SOCS7: variants seen among roughly 807,000 people sequenced by gnomAD.
SOCS7 encodes suppressor of cytokine signaling 7.
SOCS7 carries 18 observed loss-of-function variants against 58.9 expected under a neutral mutation model. The observed-to-expected ratio is 0.31, with a 90% CI of 0.21 to 0.45. SOCS7 has a LOEUF of 0.45. Ranked by LOEUF, SOCS7 falls within the 20% of genes least tolerant of loss-of-function variation. The pLI is 1.00. For missense variants in SOCS7, 667 were observed against 837.3 expected, an observed-to-expected ratio of 0.80 and a Z score of 2.51; for synonymous variants, 388 against 364.3, an observed-to-expected ratio of 1.06 and a Z score of -0.74.
chr17:38,404,760 C>T lies in SOCS7; in HGVS notation c.*5278C>T, dbSNP rs1224870961. On this transcript the variant is annotated 3_prime_UTR_variant, in exon 10 of 10. Coordinates refer to ENST00000612932, the MANE Select transcript of SOCS7 (RefSeq NM_014598.4). ...CTCAGGTGGAGCAGAAGCCTGCTCT[C>T]ACTCCTCCATCTCTGGTGCTCCCTT... 2.0e-5 allele frequency: 3 copies of T among 152,372 alleles called. No homozygotes were observed. The highest frequency in any genetic ancestry group is 2.9e-5 in the Non-Finnish European group (2 of 68,144). The allele number at this position is 152,372 out of a possible 1,614,324, so 9.4% of individuals were successfully genotyped here. A position where few individuals can be genotyped will look rare whatever the true frequency, so the allele number is the denominator to read the frequency against.
At chr17:38,389,596 T>G (rs1169093051) in intron 7 of SOCS7, among the ~76,000 whole-genome samples, 3 of 151,736 alleles carry the variant, frequency 2.0e-5, no homozygotes, top group Admixed American at 1.3e-4. Flanking sequence ...CAGATATAAA[T>G]TACAAATATT....
At chr17:38,362,937 A>G (rs977594053) in intron 2 of SOCS7, among the ~76,000 whole-genome samples, 9 of 151,834 alleles carry the variant, frequency 5.9e-5, no homozygotes, top group Middle Eastern at 6.8e-3. Context: ...ATGGTGTGAA[A>G]CCCCGTCTCT....
chr17:38,352,340 C>A lies in SOCS7; in HGVS notation c.288C>A (p.Arg96=). Reference sequence around the variant, plus strand: ...CGGAACTGCTGTGTCCCCGGCACCGCTGTGCCCTGGACCCCAAGGCCCTGC... The same window carrying A: ...CGGAACTGCTGTGTCCCCGGCACCGATGTGCCCTGGACCCCAAGGCCCTGC... ...GPSELLCPRH[R]CALDPKALPP... The change falls in exon 1 of 10, where the codon CGC becomes CGA. Residue 96 remains arginine (R), a synonymous_variant. Coordinates refer to ENST00000612932, the MANE Select transcript of SOCS7 (RefSeq NM_014598.4). The surrounding 1 kb of genome is among the most constrained non-coding windows in gnomAD (Gnocchi z 5.5). 1 of 1,482,466 alleles carries A rather than the reference C, an allele frequency of 6.7e-7. No homozygotes were observed. Among genetic ancestry groups the A allele is most frequent in the Non-Finnish European group, 8.9e-7 (1 of 1,127,670 alleles). 91.8% of individuals were successfully genotyped at this position (1,482,466 alleles called of 1,614,324 possible). A position where few individuals can be genotyped will look rare whatever the true frequency, so the allele number is the denominator to read the frequency against.
intron 6 of SOCS7, among the ~76,000 whole-genome samples, chr17:38,371,176 C>G (rs1398750283): frequency 6.6e-6 from 1 of 152,078 alleles, no homozygotes; most frequent in African/African-American, 2.4e-5. Context: ...GGCAGTGCCA[C>G]GATCTCGGCT....
intron 2 of SOCS7, among the ~76,000 whole-genome samples, chr17:38,362,149 T>C (rs1041311485): frequency 2.0e-5 from 3 of 152,162 alleles, no homozygotes; most frequent in African/African-American, 7.2e-5. Context: ...TCCAAGGGAG[T>C]TCATGGGTTA....
chr17:38,362,091 A>G (rs983386808), intron 2 of SOCS7, among the ~76,000 whole-genome samples: 1 of 152,218 alleles, frequency 6.6e-6, no homozygotes, highest in Non-Finnish European at 1.5e-5. Flanking sequence ...TTATGGGCTC[A>G]CAGTGCATAA....
At chr17:38,375,712 C>T (rs2037922080) in intron 6 of SOCS7, 1 of 152,198 alleles carries the variant, frequency 6.6e-6, no homozygotes, top group East Asian at 1.9e-4. Context: ...TGCTCCCCCC[C>T]ACATTATTCA....
chr17:38,351,992 G>T lies in SOCS7; in HGVS notation c.-61G>T, dbSNP rs868821187. 3.3e-5 allele frequency among the ~76,000 whole-genome samples: 5 copies of T among 151,120 alleles called. No individual in the cohort carries two copies. Among genetic ancestry groups the T allele is most frequent in the Middle Eastern group, 3.4e-3 (1 of 292 alleles). On this transcript the variant is annotated 5_prime_UTR_variant, in exon 1 of 10. Transcript: ENST00000612932. ...CCGCGGCGGGCGGGGCTCCGGCGGG[G>T]CCCGGCCTAGTCCCCACCCCAGCCC...
At chr17:38,396,073 C>T (rs1164047574) in intron 9 of SOCS7, 75 bp downstream of exon 9, 3 of 1,277,168 alleles carry the variant, frequency 2.3e-6, no homozygotes, top group East Asian at 2.6e-5. Context: ...GCCTTGGGCC[C>T]CCTCCCCACA....
chr17:38,361,294 C>G (rs1555567530), intron 1 of SOCS7, among the ~76,000 whole-genome samples: 1 of 152,266 alleles, frequency 6.6e-6, no homozygotes. Context: ...GATGACCTAT[C>G]CTATAGGCAA....
intron 6 of SOCS7, among the ~76,000 whole-genome samples, chr17:38,373,801 G>C (rs2037897436): frequency 6.6e-6 from 1 of 152,212 alleles, no homozygotes. Flanking sequence ...TCAGCCTTTA[G>C]ATCAGGTGGG....
At chr17:38,359,831 C>T (rs9909133) in intron 1 of SOCS7, among the ~76,000 whole-genome samples, 2,109 of 151,896 alleles carry the variant, frequency 0.014, 49 homozygotes, top group African/African-American at 0.049. Flanking sequence ...GGCTGGAATG[C>T]AGTGGCTCAA....
At chr17:38,391,726 G>GT (rs2038175572) in intron 7 of SOCS7, among the ~76,000 whole-genome samples, 1 of 152,046 alleles carries the variant, frequency 6.6e-6, no homozygotes, top group African/African-American at 2.4e-5. Context: ...CCTTGTGCTT[G>GT]TTTTTTTCTT....
intron 1 of SOCS7, among the ~76,000 whole-genome samples, chr17:38,361,016 CA>C (rs1555567487): frequency 6.6e-6 from 1 of 152,154 alleles, no homozygotes; most frequent in Non-Finnish European, 1.5e-5. Flanking sequence ...GTATATTAAC[CA>C]AAAGATCTGG....
chr17:38,387,381 A>G (rs921097518), intron 7 of SOCS7, among the ~76,000 whole-genome samples: 1 of 145,776 alleles, frequency 6.9e-6, no homozygotes, highest in Admixed American at 7.0e-5. Flanking sequence ...TGGGAAGTGG[A>G]GATTACAGTG....
Position 38,364,833 on chromosome 17 carries a change from C to T in SOCS7, c.1127C>T (p.Pro376Leu). 1.2e-6 allele frequency: 2 copies of T among 1,613,880 alleles called. No individual in the cohort carries two copies. Among genetic ancestry groups the T allele is most frequent in the South Asian group, 1.1e-5 (1 of 91,046 alleles). Residue 376 changes from proline to leucine, a missense_variant, in exon 3 of 10, where the codon CCG becomes CTG. Transcript: ENST00000612932. ...CACCCTCCAACTCCCCCTCCTCCTCCGAGAAGAAGCCTCAGCCTCCTAGGT... is the reference window on the plus strand; with the variant it reads ...CACCCTCCAACTCCCCCTCCTCCTCTGAGAAGAAGCCTCAGCCTCCTAGGT... ...SPHPPTPPPP[P>L]RRSLSLLDDI... is the part of the protein sequence containing the mutation.
chr17:38,383,023 A>G (rs181833009), intron 7 of SOCS7, among the ~76,000 whole-genome samples: 4 of 152,064 alleles, frequency 2.6e-5, no homozygotes, highest in African/African-American at 9.7e-5. Context: ...AGCTGTGACA[A>G]TCACATTATG....
intron 9 of SOCS7, among the ~76,000 whole-genome samples, 182 bp from the exon 10 acceptor site, chr17:38,399,319 GCTGCTCAGGTCC>G (rs895878469): frequency 2.4e-4 from 37 of 152,128 alleles, no homozygotes; most frequent in Admixed American, 1.1e-3. Context: ...CAAGTCATAG[GCTGCTCAGGTCC>G]CCCTGACAAA....
At chr17:38,367,361 A>G (rs2037804529) in intron 5 of SOCS7, among the ~76,000 whole-genome samples, 1 of 147,434 alleles carries the variant, frequency 6.8e-6, no homozygotes, top group Non-Finnish European at 1.5e-5. Context: ...CACTGCGCCC[A>G]GCCATTTTGT....
Sources: gnomAD v4.1 joint callset for allele counts (sites outside exome capture counted in the v4.1 genomes callset) on GRCh38, gnomAD v4.1.1 for gene constraint, Gnocchi (gnomAD v3.1) non-coding constraint, MANE v1.5 for transcripts, NCBI Gene and HGNC (gene_info 2026-07-23, HGNC 2026-07-21) for gene names.